Variants in MYH8 observed in about 807,000 individuals in gnomAD.
MYH8 encodes myosin-8.
MYH8 carries 168 observed loss-of-function variants against 233.2 expected under a neutral mutation model. The ratio of observed to expected loss-of-function variants is 0.72; its 90% CI spans 0.64 to 0.82. The LOEUF (loss-of-function observed/expected upper bound fraction) is 0.82, where lower values mean the gene tolerates loss of function less well. Among genes scored for constraint, MYH8 ranks in the 40% least tolerant of loss-of-function variants. The pLI is 0.00. For synonymous variants in MYH8, 785 were observed against 850.6 expected (o/e 0.92, Z 1.34); for missense variants, 1,995 against 2,327.8 (o/e 0.86, Z 2.94).
chr17:10,415,484 A>G lies in MYH8; in HGVS notation c.636T>C (p.Ser212=). The G allele has an allele frequency of 6.2e-7, 1 of 1,614,230 alleles. No homozygotes were observed. The highest frequency in any genetic ancestry group is 8.5e-7 in the Non-Finnish European group (1 of 1,180,020). The change falls in exon 7 of 40, where the codon TCT becomes TCC. Residue 212 remains serine (S), a synonymous_variant. Transcript: ENST00000403437. The surrounding 1 kb of genome is among the most constrained non-coding windows in gnomAD (Gnocchi z 4.1). ...AVTGEKKKDE[S]GKMQGTLEDQ... is the part of the protein sequence containing the mutation. ...CTATCAGACCTACCTGCATTTTGCC[A>G]GATTCATCCTTCTTCTTCTCTCCAG...
At chr17:10,411,825 C>T (rs1028923440) in intron 14 of MYH8, among the ~76,000 whole-genome samples, 6 of 152,162 alleles carry the variant, frequency 3.9e-5, no homozygotes, top group African/African-American at 1.4e-4. Flanking sequence ...AGTTGAAGAT[C>T]TAAAAGGTCT....
In MYH8 at chr17:10,401,755, T is replaced by C. The variant is rs1435459884; in HGVS notation, c.2719A>G (p.Arg907Gly). 1 of 1,614,200 alleles carries C rather than the reference T, an allele frequency of 6.2e-7. No individual in the cohort carries two copies. Among genetic ancestry groups the C allele is most frequent in the South Asian group, 1.1e-5 (1 of 91,090 alleles). Residue 907 changes from arginine to glycine, a missense_variant, in exon 23 of 40, where the codon AGG (arginine) becomes GGG (glycine). Coordinates refer to ENST00000403437, the MANE Select transcript of MYH8 (RefSeq NM_002472.3). ...EADSLADAEE[R>G]CEQLIKNKIQ... ...TTGTTTTTAATCAGTTGCTCACACCTTTCCTCTGCATCAGCCAAGCTATCT... is the reference window on the plus strand; with the variant it reads ...TTGTTTTTAATCAGTTGCTCACACCCTTCCTCTGCATCAGCCAAGCTATCT...
In MYH8 at chr17:10,396,477, G is replaced by T. The variant is rs2072079419; in HGVS notation, c.4529-23C>A. The T allele has an allele frequency of 1.2e-6, 2 of 1,614,044 alleles. No homozygotes were observed. Among genetic ancestry groups the T allele is most frequent in the African/African-American group, 1.3e-5 (1 of 75,066 alleles). ...CCTCTGTGGTTGAACAGACAGGAGA[G>T]AAATGGTCAGAAAGATGGCAACATG... On this transcript the variant is annotated intron_variant, in intron 32 of 39. Coordinates refer to ENST00000403437, the MANE Select transcript of MYH8 (RefSeq NM_002472.3). The surrounding 1 kb of genome is among the most constrained non-coding windows in gnomAD (Gnocchi z 4.2).
At chr17:10,410,302 CAATAAATA>C (rs550982621) in intron 15 of MYH8, among the ~76,000 whole-genome samples, 6 of 151,776 alleles carry the variant, frequency 4.0e-5, no homozygotes, top group Non-Finnish European at 5.9e-5. Flanking sequence ...GGCCCTGTCT[CAATAAATA>C]AATAAATAAA....
intron 13 of MYH8, 44 bp from the exon 14 acceptor site, chr17:10,412,563 C>G: frequency 6.2e-7 from 1 of 1,614,168 alleles, no homozygotes; most frequent in Non-Finnish European, 8.5e-7. Flanking sequence ...TAAAGACATG[C>G]CATGAAGGCC....
rs2072266726 is a variant in MYH8 at position 10,413,947 on chromosome 17, T to C, written c.1102A>G (p.Lys368Glu). Residue 368 changes from lysine to glutamate, a missense_variant, in exon 12 of 40, where the codon AAG becomes GAG. By Grantham distance (56) the Lys-to-Glu change is moderately conservative. Coordinates refer to ENST00000403437, the MANE Select transcript of MYH8 (RefSeq NM_002472.3). ...GCTTGCTCCTCACGCTGCTTTTGCT[T>C]GAATTTCATGTTCCCATAATGCATC... Reference protein sequence around the residue: ...AVMHYGNMKFKQKQREEQAEP... With the variant: ...AVMHYGNMKFEQKQREEQAEP... The C allele has an allele frequency of 6.2e-7, 1 of 1,614,174 alleles. No individual in the cohort carries two copies. Among genetic ancestry groups the C allele is most frequent in the African/African-American group, 1.3e-5 (1 of 75,042 alleles).
At position 10,400,806 on chromosome 17, in the gene MYH8, T is replaced by C; in HGVS notation, c.3346-27A>G. On this transcript the variant is annotated intron_variant, in intron 26 of 39. Coordinates refer to ENST00000403437, the MANE Select transcript of MYH8 (RefSeq NM_002472.3). The surrounding 1 kb of genome is among the most constrained non-coding windows in gnomAD (Gnocchi z 4.0). The stretch of plus-strand genomic sequence containing the variant: ...TGGGAATGAAAGAAGCACATAAACA[T>C]AAACTCATCTCAACTTCAGTGTTTT... 1 of 1,613,986 alleles carries C rather than the reference T, an allele frequency of 6.2e-7. No individual in the cohort carries two copies. Among genetic ancestry groups the C allele is most frequent in the Non-Finnish European group, 8.5e-7 (1 of 1,180,028 alleles).
chr17:10,390,480 C>T lies in MYH8; in HGVS notation c.5788G>A (p.Val1930Ile), dbSNP rs1172249804. 1.9e-6 allele frequency: 3 copies of T among 1,613,874 alleles called. No individual in the cohort carries two copies. Among genetic ancestry groups the T allele is most frequent in the African/African-American group, 1.3e-5 (1 of 75,042 alleles). The change falls in exon 40 of 40, where the codon GTT (valine) becomes ATT (isoleucine). Residue 1930 changes from valine (V) to isoleucine (I), a missense_variant. Coordinates refer to ENST00000403437, the MANE Select transcript of MYH8 (RefSeq NM_002472.3). ...TACTCTGCACTGATTTTTGTGTGAA[C>T]CTCTCGGCTCTTCACTCGCAATTTG... is the stretch of plus-strand genomic sequence containing the variant. ...VNKLRVKSRE[V>I]HTKISAE
chr17:10,398,839 G>A lies in MYH8; in HGVS notation c.3910C>T (p.Leu1304Phe), dbSNP rs1398231586. 6.2e-7 allele frequency: 1 copy of A among 1,613,754 alleles called. No homozygotes were observed. Among genetic ancestry groups the A allele is most frequent in the Non-Finnish European group, 8.5e-7 (1 of 1,179,996 alleles). Residue 1304 changes from leucine to phenylalanine, a missense_variant, in exon 29 of 40, where the codon CTT (leucine) becomes TTT (phenylalanine). Around this residue, in one of 3 missense-constraint regions of MYH8, gnomAD observed 1,498 missense variants for 1,680.9 expected, o/e 0.89. Transcript: ENST00000403437. Reference sequence around the variant, plus strand: ...GTAGATGCTTGCTTGCTCCTTGAAAGCTGAGAGACTAAAGCATCTTTCTCA... The same window carrying A: ...GTAGATGCTTGCTTGCTCCTTGAAAACTGAGAGACTAAAGCATCTTTCTCA... Reference protein sequence around the residue: ...LDEKDALVSQLSRSKQASTQQ... With the variant: ...LDEKDALVSQFSRSKQASTQQ...
In MYH8 at chr17:10,418,881, A is replaced by C. The variant is rs1567690802; in HGVS notation, c.354+6T>G. 1 of 1,614,046 alleles carries C rather than the reference A, an allele frequency of 6.2e-7. No homozygotes were observed. Among genetic ancestry groups the C allele is most frequent in the Non-Finnish European group, 8.5e-7 (1 of 1,179,980 alleles). On this transcript the variant is annotated splice_donor_region_variant and intron_variant, in intron 4 of 39. Coordinates refer to ENST00000403437, the MANE Select transcript of MYH8 (RefSeq NM_002472.3). ...ATGAAATAAAAAGGTGTTTACAGAC[A>C]CTCACGTAGATCATCCAGGCTGCAT... is the stretch of plus-strand genomic sequence containing the variant.
intron 33 of MYH8, 111 bp from the exon 34 acceptor site, chr17:10,395,552 T>C (rs1168408395): frequency 4.6e-6 from 5 of 1,089,814 alleles, no homozygotes; most frequent in African/African-American, 1.6e-5. Context: ...TTACAAAGTA[T>C]AATACAGTAG....
At chr17:10,413,791 T>TATGA in intron 12 of MYH8, 111 bp downstream of exon 12, 1 of 1,469,264 alleles carries the variant, frequency 6.8e-7, no homozygotes, top group Middle Eastern at 2.4e-4. Context: ...TAAATGTGTA[T>TATGA]ATGCCCTTCA....
Position 10,395,282 on chromosome 17 carries a change from C to A in MYH8, c.4813G>T (p.Asp1605Tyr). Reference protein sequence around the residue: ...RVVETMQSTLDAEIRSRNDAL... With the variant: ...RVVETMQSTLYAEIRSRNDAL... ...TCATTTCTGCTTCTAATCTCTGCAT[C>A]CAGCGTGCTCTGCATTGTCTCCACG... Residue 1605 changes from aspartate to tyrosine, a missense_variant, in exon 34 of 40, where the codon GAT becomes TAT. Transcript: ENST00000403437. 6.2e-7 allele frequency: 1 copy of A among 1,614,190 alleles called. No individual in the cohort carries two copies.
At chr17:10,404,838 C>T (rs140566111) in intron 21 of MYH8, among the ~76,000 whole-genome samples, 19 of 152,074 alleles carry the variant, frequency 1.2e-4, no homozygotes, top group African/African-American at 4.6e-4. Context: ...ATATTGAGCA[C>T]ATCTTCTGTG....
At position 10,406,194 on chromosome 17, in the gene MYH8, T is replaced by A. The variant is rs2072191127; in HGVS notation, c.2296-17A>T. 3.7e-6 allele frequency: 6 copies of A among 1,613,972 alleles called. No homozygotes were observed. The highest frequency in any genetic ancestry group is 5.1e-6 in the Non-Finnish European group (6 of 1,179,964). On this transcript the variant is annotated splice_polypyrimidine_tract_variant and intron_variant, in intron 20 of 39. Coordinates refer to ENST00000403437, the MANE Select transcript of MYH8 (RefSeq NM_002472.3). ...GAAGAAAACCTGGAGAAAGAGAGAG[T>A]CACAAATCATCTCCATACTGCAGGA... is the stretch of plus-strand genomic sequence containing the variant.
At chr17:10,405,066 G>A (rs1051457631) in intron 21 of MYH8, among the ~76,000 whole-genome samples, 61 of 152,114 alleles carry the variant, frequency 4.0e-4, no homozygotes, top group African/African-American at 1.4e-3. Flanking sequence ...CTGAGCGAAT[G>A]ATTTGTCATC....
Position 10,417,361 on chromosome 17 carries a change from T to C in MYH8, c.511+1284A>G, listed in dbSNP as rs2072298102. Among the ~76,000 whole-genome samples, 1 of 152,236 alleles carries C rather than the reference T, an allele frequency of 6.6e-6. No homozygotes were observed. ...CATAGACTTTAGAAAACTTTAGCCT[T>C]CTCTTCAGGGAAGTCGATGCAGATT... On this transcript the variant is annotated intron_variant, in intron 5 of 39. Transcript: ENST00000403437. This position sits in a 1 kb window ranked among gnomAD's most constrained non-coding sequence, Gnocchi z 4.1.
intron 39 of MYH8, among the ~76,000 whole-genome samples, chr17:10,391,273 A>T (rs1174962849): frequency 6.6e-6 from 1 of 152,148 alleles, no homozygotes; most frequent in Non-Finnish European, 1.5e-5. Flanking sequence ...CTAGAGGGAG[A>T]GGAATATTTA....
chr17:10,396,647 A>G lies in MYH8; in HGVS notation c.4434T>C (p.Arg1478=), dbSNP rs779539877. 1.2e-6 allele frequency: 2 copies of G among 1,614,234 alleles called. No homozygotes were observed. Among genetic ancestry groups the G allele is most frequent in the Admixed American group, 3.3e-5 (2 of 60,020 alleles). Residue 1478 remains arginine (R), a synonymous_variant, in exon 32 of 40, where the codon CGT becomes CGC. Transcript: ENST00000403437. The surrounding 1 kb of genome is among the most constrained non-coding windows in gnomAD (Gnocchi z 4.2). ...CCTTGAACAGCTCAGTGCTAAGAGA[A>G]CGTGACTCCTTCTGGGAGGCCTCAA... is the stretch of plus-strand genomic sequence containing the variant. ...AELEASQKES[R]SLSTELFKVK...
Sources: allele counts gnomAD v4.1 joint callset (sites outside exome capture counted in the v4.1 genomes callset), GRCh38; gene constraint gnomAD v4.1.1; regional missense constraint gnomAD v4.1.1; non-coding constraint Gnocchi (gnomAD v3.1); transcripts MANE v1.5; gene names NCBI Gene and HGNC (gene_info 2026-07-23, HGNC 2026-07-21).